GPBP1: variants seen among roughly 807,000 people sequenced by gnomAD.
GPBP1 encodes vasculin.
In GPBP1, 13 loss-of-function variants were observed where a neutral mutation model predicts 56.5. The ratio of observed to expected loss-of-function variants is 0.23; its 90% confidence interval spans 0.15 to 0.37. The LOEUF (loss-of-function observed/expected upper bound fraction) is 0.37, where lower values mean the gene tolerates loss of function less well. Among genes scored for constraint, GPBP1 ranks in the 10% least tolerant of loss-of-function variants. GPBP1 has a pLI of 1.00. For missense variants in GPBP1, 477 were observed against 572.3 expected (o/e 0.83, Z 1.70); for synonymous variants, 204 against 188.9 (o/e 1.08, Z -0.66).
At chr5:57,213,966 A>G in intron 2 of GPBP1, 108 bp from the exon 3 acceptor site, 1 of 563,388 alleles carries the variant, frequency 1.8e-6, no homozygotes, top group Middle Eastern at 4.6e-4. Context: ...CTAGATTTTC[A>G]TTATAAATAG....
At chr5:57,223,903 G>C (rs1345147930) in intron 3 of GPBP1, among the ~76,000 whole-genome samples, 2 of 150,950 alleles carry the variant, frequency 1.3e-5, no homozygotes, top group Non-Finnish European at 2.9e-5. Flanking sequence ...ATGCTATCTC[G>C]GCTCACTGCA....
chr5:57,213,015 T>C (rs1755556118), intron 2 of GPBP1, among the ~76,000 whole-genome samples: 1 of 152,040 alleles, frequency 6.6e-6, no homozygotes, highest in Non-Finnish European at 1.5e-5. Flanking sequence ...AGTCCAGATG[T>C]ATCATCAATT....
At chr5:57,229,585 C>T (rs1460576179) in intron 3 of GPBP1, among the ~76,000 whole-genome samples, 1 of 151,788 alleles carries the variant, frequency 6.6e-6, no homozygotes, top group Non-Finnish European at 1.5e-5. Flanking sequence ...CTCTGGAGTA[C>T]AGTTGTGTCA....
intron 2 of GPBP1, among the ~76,000 whole-genome samples, chr5:57,177,678 T>TTTTTA (rs1753850169): frequency 1.7e-5 from 2 of 114,554 alleles, no homozygotes; most frequent in Non-Finnish European, 3.8e-5. Context: ...TTTTTTTTTT[T>TTTTTA]AGTAGAGACC....
intron 2 of GPBP1, among the ~76,000 whole-genome samples, chr5:57,212,546 CAG>C (rs1230465145): frequency 6.6e-6 from 1 of 152,112 alleles, no homozygotes; most frequent in Non-Finnish European, 1.5e-5. Context: ...CAAGTTGTAT[CAG>C]AGTTTTTCTC....
intron 3 of GPBP1, among the ~76,000 whole-genome samples, chr5:57,223,945 T>G (rs960641418): frequency 1.6e-4 from 25 of 151,924 alleles, no homozygotes; most frequent in African/African-American, 6.0e-4. Context: ...GCCATTCTCC[T>G]GCCTCAGCCT....
At position 57,262,743 on chromosome 5, in the gene GPBP1, C is replaced by G. The variant is rs550098675; in HGVS notation, c.1413C>G (p.Asp471Glu). ...ETSSSDTSDD[D>E]DV is the part of the protein sequence containing the mutation. ...GTAGCAGTGATACATCAGATGACGA[C>G]GATGTGTGAAGGATTTCCTAACAGC... Residue 471 changes from aspartate (D) to glutamate (E), a missense_variant, in exon 12 of 12, where the codon GAC (aspartate) becomes GAG (glutamate). This residue lies in a region of GPBP1 where 63 missense variants were observed against 114.0 expected (regional missense o/e 0.55). Coordinates refer to ENST00000506184, the MANE Select transcript of GPBP1 (RefSeq NM_022913.4). 1 of 1,612,630 alleles carries G rather than the reference C, an allele frequency of 6.2e-7. No homozygotes were observed. The highest frequency in any genetic ancestry group is 1.3e-5 in the African/African-American group (1 of 74,962).
At chr5:57,257,479 A>G (rs1287951153) in intron 10 of GPBP1, among the ~76,000 whole-genome samples, 1 of 152,260 alleles carries the variant, frequency 6.6e-6, no homozygotes. Context: ...TCAAAGGGAT[A>G]CAGTTGTCAA....
chr5:57,192,482 G>A (rs1043992794), intron 2 of GPBP1, among the ~76,000 whole-genome samples: 1 of 152,098 alleles, frequency 6.6e-6, no homozygotes, highest in East Asian at 1.9e-4. Flanking sequence ...GGCTGGGCAC[G>A]GTGGCTCACG....
chr5:57,233,210 T>C (rs1561360376), intron 5 of GPBP1, among the ~76,000 whole-genome samples: 1 of 152,160 alleles, frequency 6.6e-6, no homozygotes, highest in East Asian at 1.9e-4. Context: ...TTTGGAAGTA[T>C]TTTGGATGGA....
intron 3 of GPBP1, 165 bp from the exon 4 acceptor site, chr5:57,230,681 G>A (rs553453195): frequency 1.5e-6 from 1 of 652,740 alleles, no homozygotes; most frequent in Non-Finnish European, 2.7e-6. Flanking sequence ...GACCATCGGT[G>A]AATCCATTAT....
At chr5:57,209,131 T>G (rs1354045582) in intron 2 of GPBP1, among the ~76,000 whole-genome samples, 2 of 152,210 alleles carry the variant, frequency 1.3e-5, no homozygotes, top group African/African-American at 2.4e-5. Flanking sequence ...TTGTTAATAG[T>G]GTATACACAA....
At chr5:57,212,568 A>G (rs1002992105) in intron 2 of GPBP1, among the ~76,000 whole-genome samples, 2 of 152,056 alleles carry the variant, frequency 1.3e-5, no homozygotes, top group African/African-American at 4.8e-5. Flanking sequence ...CCCTAAGCCC[A>G]TATTGAGCAT....
intron 8 of GPBP1, among the ~76,000 whole-genome samples, chr5:57,247,943 A>T (rs930221142): frequency 6.6e-6 from 1 of 152,026 alleles, no homozygotes; most frequent in African/African-American, 2.4e-5. Flanking sequence ...GGATCTTGCT[A>T]TGTTGTCCAG....
intron 2 of GPBP1, among the ~76,000 whole-genome samples, chr5:57,188,863 T>C (rs1317844957): frequency 1.3e-5 from 2 of 152,222 alleles, no homozygotes; most frequent in Non-Finnish European, 2.9e-5. Flanking sequence ...GTGGGAATCA[T>C]CTTTGGCTTT....
At chr5:57,222,166 C>T (rs1447484431) in intron 3 of GPBP1, among the ~76,000 whole-genome samples, 4 of 151,872 alleles carry the variant, frequency 2.6e-5, no homozygotes, top group Non-Finnish European at 5.9e-5. Context: ...TAAAAACAGT[C>T]CAGAAAGAAA....
chr5:57,190,881 A>G (rs1486383234), intron 2 of GPBP1, among the ~76,000 whole-genome samples: 1 of 151,082 alleles, frequency 6.6e-6, no homozygotes, highest in Non-Finnish European at 1.5e-5. Context: ...TAATTTTTGT[A>G]TTTTTTGGTA....
chr5:57,237,225 A>G lies in GPBP1; in HGVS notation c.478+1193A>G, dbSNP rs1756695663. 6.0e-6 allele frequency: 7 copies of G among 1,165,084 alleles called. No homozygotes were observed. The East Asian group carries it at 1.5e-4, about 25-fold the overall frequency. 72.2% of individuals were successfully genotyped at this position (1,165,084 alleles called of 1,614,324 possible). A position where few individuals can be genotyped will look rare whatever the true frequency, so the allele number is the denominator to read the frequency against. On this transcript the variant is annotated intron_variant, in intron 6 of 11. Transcript: ENST00000506184. ...TGGGAACAACTGATTGCATAAGAATATAGAACCACCTGGAAGGTGTTAAAT... is the reference window on the plus strand; with the variant it reads ...TGGGAACAACTGATTGCATAAGAATGTAGAACCACCTGGAAGGTGTTAAAT...
chr5:57,216,640 C>T (rs1252964606), intron 3 of GPBP1, among the ~76,000 whole-genome samples: 3 of 152,040 alleles, frequency 2.0e-5, no homozygotes, highest in Admixed American at 6.6e-5. Flanking sequence ...GAGCCGAGAT[C>T]GTGCCACTGC....
Sources: gnomAD v4.1 joint callset for allele counts (sites outside exome capture counted in the v4.1 genomes callset) on GRCh38, gnomAD v4.1.1 for gene constraint, gnomAD v4.1.1 regional missense constraint, MANE v1.5 for transcripts, NCBI Gene and HGNC (gene_info 2026-07-23, HGNC 2026-07-21) for gene names.